Variants in IQSEC3 observed in about 807,000 individuals in gnomAD.
The protein encoded by IQSEC3 is IQ motif and SEC7 domain-containing protein 3.
Under a neutral mutation model 105.4 loss-of-function variants are expected in IQSEC3, and 50 were observed. The observed-to-expected ratio is 0.47, with a 90% CI of 0.38 to 0.60. The LOEUF is 0.60. Among genes scored for constraint, IQSEC3 ranks in the 20% least tolerant of loss-of-function variants. The probability of loss-of-function intolerance (pLI) is 0.00; values close to 1 mark genes in which losing one functional copy is unlikely to be tolerated. For missense variants in IQSEC3, 1,415 were observed against 1,630.0 expected (o/e 0.87, Z 2.27); for synonymous variants, 708 against 746.0 (o/e 0.95, Z 0.83).
At chr12:117,036 GA>G (rs1865072205) in intron 2 of IQSEC3, among the ~76,000 whole-genome samples, 1 of 152,212 alleles carries the variant, frequency 6.6e-6, no homozygotes, top group Admixed American at 6.5e-5. Flanking sequence ...CATAATAAAA[GA>G]AAAAATAAGT....
At chr12:161,110 C>T (rs1368407799) in intron 7 of IQSEC3, among the ~76,000 whole-genome samples, 2 of 152,168 alleles carry the variant, frequency 1.3e-5, no homozygotes, top group Non-Finnish European at 2.9e-5. Context: ...CCGGGAGCTG[C>T]GTGTGGAAGG....
At chr12:111,536 C>T (rs190321808) in intron 2 of IQSEC3, 2 of 152,250 alleles carry the variant, frequency 1.3e-5, no homozygotes, top group African/African-American at 4.8e-5. Flanking sequence ...TACTCAGCCT[C>T]CCTTACTGGA....
chr12:163,215 T>C (rs1215393455), intron 8 of IQSEC3, among the ~76,000 whole-genome samples: 2 of 6,868 alleles, frequency 2.9e-4, no homozygotes, highest in African/African-American at 1.3e-3. Context: ...CCCCTCCCCC[T>C]CCACAGAACC....
intron 2 of IQSEC3, among the ~76,000 whole-genome samples, chr12:105,964 C>A (rs1356385267): frequency 6.6e-6 from 1 of 152,166 alleles, no homozygotes; most frequent in Non-Finnish European, 1.5e-5. Flanking sequence ...CGTTAAGGCA[C>A]GCAACTTTTT....
chr12:137,773 C>A (rs1263101294), intron 3 of IQSEC3: 1 of 155,004 alleles, frequency 6.5e-6, no homozygotes, highest in African/African-American at 2.4e-5. Flanking sequence ...CCCACCTCAG[C>A]CTTCCCAGTA....
chr12:121,794 C>T (rs568256222), intron 2 of IQSEC3, among the ~76,000 whole-genome samples: 1 of 152,290 alleles, frequency 6.6e-6, no homozygotes, highest in South Asian at 2.1e-4. Context: ...AGAAAACAGC[C>T]GCCATCGCCG....
rs558023380 is a variant in IQSEC3, at chr12:102,163, T to TC, written c.623+2953dup. On this transcript the variant is annotated intron_variant, in intron 2 of 13. Coordinates refer to ENST00000538872, the MANE Select transcript of IQSEC3 (RefSeq NM_001170738.2). Reference sequence around the variant, plus strand: ...GCTCCTCCCCCATCAGTCTGGCTCCTCCCCGTCAGTCTGGCTCCTCCCCCG... The same window carrying TC: ...GCTCCTCCCCCATCAGTCTGGCTCCTCCCCCGTCAGTCTGGCTCCTCCCCCG... 2.9e-4 allele frequency among the ~76,000 whole-genome samples: 23 copies of TC among 78,114 alleles called. 1 individual carries two copies. In the East Asian group the frequency reaches 9.1e-3, roughly 31 times the overall value. 51.2% of individuals were successfully genotyped at this position (78,114 alleles called of 152,430 possible).
In IQSEC3 at chr12:139,373, C is replaced by G; in HGVS notation, c.1991+19C>G. ...TCAACATGTAAGTCAGCCCCGGCCC[C>G]CAGCCCGGAGTCCTGGGCGTCCTGG... is the stretch of plus-strand genomic sequence containing the variant. On this transcript the variant is annotated intron_variant, in intron 4 of 13. Coordinates refer to ENST00000538872, the MANE Select transcript of IQSEC3 (RefSeq NM_001170738.2). 1.3e-6 allele frequency: 2 copies of G among 1,519,344 alleles called. No individual in the cohort carries two copies. The highest frequency in any genetic ancestry group is 1.8e-6 in the Non-Finnish European group (2 of 1,125,866). The allele number at this position is 1,519,344 out of a possible 1,614,324, so 94.1% of individuals were successfully genotyped here.
At chr12:149,165 AAG>A (rs1555091882) in intron 5 of IQSEC3, 1 of 152,226 alleles carries the variant, frequency 6.6e-6, no homozygotes, top group Non-Finnish European at 1.5e-5. Context: ...GCTCACAGGA[AAG>A]AGGGGGAGGC....
Position 125,855 on chromosome 12 carries a change from C to T in IQSEC3, c.846C>T (p.Cys282=), listed in dbSNP as rs1555083237. ...AGCCTGCCCTGGCGACGGCGCTGTG[C>T]CCCCACGCCCCTGCCGCCTCCGATT... ...RQQPALATAL[C]PHAPAASDYE... Residue 282 remains cysteine (C), a synonymous_variant, in exon 3 of 14, where the codon TGC becomes TGT. Coordinates refer to ENST00000538872, the MANE Select transcript of IQSEC3 (RefSeq NM_001170738.2). 3.3e-6 allele frequency: 5 copies of T among 1,533,322 alleles called. No individual in the cohort carries two copies. Among genetic ancestry groups the T allele is most frequent in the Non-Finnish European group, 4.4e-6 (5 of 1,146,266 alleles). The allele number at this position is 1,533,322 out of a possible 1,614,324, so 95.0% of individuals were successfully genotyped here. A position where few individuals can be genotyped will look rare whatever the true frequency, so the allele number is the denominator to read the frequency against.
intron 12 of IQSEC3, among the ~76,000 whole-genome samples, 197 bp from the exon 13 acceptor site, chr12:170,915 C>T (rs907454506): frequency 1.3e-5 from 2 of 152,322 alleles, no homozygotes; most frequent in African/African-American, 2.4e-5. Flanking sequence ...TTCTAGTCTG[C>T]GGCAGCCCAG....
chr12:169,206 G>A (rs920905004), intron 12 of IQSEC3, 101 bp downstream of exon 12: 6 of 939,298 alleles, frequency 6.4e-6, no homozygotes, highest in East Asian at 2.5e-5. Flanking sequence ...GCCCATTCCC[G>A]TGGCGTGTTT....
In IQSEC3 at chr12:174,658, G is replaced by C; in HGVS notation, c.3174G>C (p.Arg1058Ser). The change falls in exon 14 of 14, where the codon AGG (arginine) becomes AGC (serine). Residue 1058 changes from arginine (R) to serine (S), a missense_variant. This residue lies in a region of IQSEC3 where 419 missense variants were observed against 436.2 expected (regional missense o/e 0.96). Coordinates refer to ENST00000538872, the MANE Select transcript of IQSEC3 (RefSeq NM_001170738.2). ...SQHNSGLGAERGAPVPPPDLQ... is the reference protein window; with the variant it reads ...SQHNSGLGAESGAPVPPPDLQ... ...ACAACTCCGGGCTGGGGGCCGAGAGGGGAGCGCCGGTGCCGCCGCCAGACC... is the reference window on the plus strand; with the variant it reads ...ACAACTCCGGGCTGGGGGCCGAGAGCGGAGCGCCGGTGCCGCCGCCAGACC... 1 of 1,588,554 alleles carries C rather than the reference G, an allele frequency of 6.3e-7. No homozygotes were observed. Among genetic ancestry groups the C allele is most frequent in the South Asian group, 1.1e-5 (1 of 89,974 alleles).
At chr12:71,782 G>A (rs1234916098) in intron 1 of IQSEC3, among the ~76,000 whole-genome samples, 1 of 152,278 alleles carries the variant, frequency 6.6e-6, no homozygotes, top group Non-Finnish European at 1.5e-5. Flanking sequence ...TGCTGAGGTG[G>A]CATCGTATGG....
At chr12:165,406 G>C (rs11061700) in intron 9 of IQSEC3, 28 bp from the exon 10 acceptor site, 1,552,676 of 1,568,320 alleles carry the variant, frequency 0.99, 769,673 homozygotes, top group East Asian at 1. Context: ...TGTTCATCAG[G>C]GCATGCCTGT....
At chr12:148,467 G>T (rs2270800) in intron 5 of IQSEC3, 47,786 of 152,046 alleles carry the variant, frequency 0.31, 8,501 homozygotes, top group Admixed American at 0.4. Flanking sequence ...TTAGTTCTTT[G>T]GGTACCTGAG....
chr12:165,331 A>C (rs1867114024), intron 9 of IQSEC3, 103 bp from the exon 10 acceptor site: 1 of 815,730 alleles, frequency 1.2e-6, no homozygotes, highest in Non-Finnish European at 2.1e-6. Context: ...CACATTCATC[A>C]CTGCGTGGGT....
intron 2 of IQSEC3, 121 bp from the exon 3 acceptor site, chr12:125,512 C>T (rs1385767354): frequency 2.0e-6 from 2 of 999,502 alleles, no homozygotes; most frequent in Non-Finnish European, 2.7e-6. Context: ...AAAGACACCC[C>T]CTCCAGTCCT....
At chr12:140,865 G>A (rs1865989996) in intron 4 of IQSEC3, 1 of 446,776 alleles carries the variant, frequency 2.2e-6, no homozygotes, top group Non-Finnish European at 4.0e-6. Flanking sequence ...GACCCAGGAG[G>A]CAGGGACAGA....
Sources: allele counts gnomAD v4.1 joint callset (sites outside exome capture counted in the v4.1 genomes callset), GRCh38; gene constraint gnomAD v4.1.1; regional missense constraint gnomAD v4.1.1; transcripts MANE v1.5; gene names NCBI Gene and HGNC (gene_info 2026-07-23, HGNC 2026-07-21).